Variants in CFAP299 observed in about 807,000 individuals in gnomAD.
The protein encoded by CFAP299 is cilia- and flagella-associated protein 299.
A neutral mutation model predicts 27.0 loss-of-function variants in CFAP299; 21 were observed. The observed-to-expected ratio is 0.78, with a 90% CI of 0.55 to 1.12. The LOEUF (loss-of-function observed/expected upper bound fraction) is 1.12, where lower values mean the gene tolerates loss of function less well. Ranked by LOEUF, CFAP299 falls within the 50% of genes most tolerant of loss-of-function variation. The pLI is 0.00. For synonymous variants in CFAP299, 104 were observed against 98.1 expected (o/e 1.06, Z -0.36); for missense variants, 310 against 276.6 (o/e 1.12, Z -0.86).
At chr4:80,562,260 T>C (rs1364493047) in intron 2 of CFAP299, among the ~76,000 whole-genome samples, 1 of 151,686 alleles carries the variant, frequency 6.6e-6, no homozygotes, top group African/African-American at 2.4e-5. Flanking sequence ...AAAATAACCA[T>C]AAAACAAATA....
At chr4:80,638,748 C>T (rs1739578871) in intron 3 of CFAP299, among the ~76,000 whole-genome samples, 1 of 152,154 alleles carries the variant, frequency 6.6e-6, no homozygotes, top group Non-Finnish European at 1.5e-5. Flanking sequence ...CAAGTGTGAT[C>T]CATCATGGGT....
chr4:80,330,069 G>A, the CFAP299 span, among the ~76,000 whole-genome samples: 1 of 152,050 alleles, frequency 6.6e-6, no homozygotes, highest in African/African-American at 2.4e-5. Flanking sequence ...TTTTGAGCAG[G>A]TAAAAGTTTG....
At chr4:80,715,409 A>C (rs1161033568) in intron 3 of CFAP299, among the ~76,000 whole-genome samples, 1 of 152,088 alleles carries the variant, frequency 6.6e-6, no homozygotes, top group East Asian at 1.9e-4. Context: ...TGCTGCTGAT[A>C]ATAACAGATC....
intron 3 of CFAP299, among the ~76,000 whole-genome samples, chr4:80,693,343 T>TAC: frequency 1.3e-5 from 2 of 151,980 alleles, no homozygotes; most frequent in South Asian, 4.2e-4. Flanking sequence ...GTGGCACATA[T>TAC]ACACCATGGA....
At chr4:80,828,778 G>A (rs924542452) in intron 3 of CFAP299, among the ~76,000 whole-genome samples, 12 of 151,998 alleles carry the variant, frequency 7.9e-5, no homozygotes, top group Non-Finnish European at 1.3e-4. Flanking sequence ...AAATTACCCA[G>A]TCTCAGATAT....
intron 4 of CFAP299, among the ~76,000 whole-genome samples, chr4:80,922,729 G>A (rs1321232715): frequency 1.3e-5 from 2 of 151,508 alleles, no homozygotes. Context: ...TGGAAAATAT[G>A]TTGACTATGA....
intron 2 of CFAP299, among the ~76,000 whole-genome samples, chr4:80,546,789 G>A (rs542122630): frequency 6.6e-6 from 1 of 151,442 alleles, no homozygotes; most frequent in African/African-American, 2.4e-5. Flanking sequence ...GACTCTCTCA[G>A]AAGCTGAACA....
chr4:80,812,688 C>T (rs930739297), intron 3 of CFAP299, among the ~76,000 whole-genome samples: 1 of 152,048 alleles, frequency 6.6e-6, no homozygotes, highest in Non-Finnish European at 1.5e-5. Context: ...TGGTTTCAAA[C>T]TGATAAAAAC....
rs1335940234 is a variant in CFAP299 at position 80,724,469 on chromosome 4, C to T, written c.333+141286C>T. Reference sequence around the variant, plus strand: ...AAAAATGAGTAATTTTTTAAATGCACTAATTTGGAGCCTGGTATACATTAT... The same window carrying T: ...AAAAATGAGTAATTTTTTAAATGCATTAATTTGGAGCCTGGTATACATTAT... On this transcript the variant is annotated intron_variant, in intron 3 of 5. Coordinates refer to ENST00000358105, the MANE Select transcript of CFAP299 (RefSeq NM_152770.3). 3.9e-5 allele frequency among the ~76,000 whole-genome samples: 6 copies of T among 151,998 alleles called. No homozygotes were observed. The East Asian group carries it at 1.2e-3, about 29-fold the overall frequency.
intron 2 of CFAP299, among the ~76,000 whole-genome samples, chr4:80,549,888 C>T (rs1358612151): frequency 6.6e-6 from 1 of 151,856 alleles, no homozygotes; most frequent in Admixed American, 6.6e-5. Context: ...ATAAAATTCA[C>T]TTTCATTGTT....
intron 5 of CFAP299, among the ~76,000 whole-genome samples, chr4:80,954,033 T>A (rs1737921817): frequency 6.6e-6 from 1 of 152,186 alleles, no homozygotes; most frequent in African/African-American, 2.4e-5. Context: ...TCACGCTCAC[T>A]TTCTCACAAA....
chr4:80,720,157 C>T (rs867776338), intron 3 of CFAP299, among the ~76,000 whole-genome samples: 3 of 151,980 alleles, frequency 2.0e-5, no homozygotes, highest in South Asian at 4.1e-4. Context: ...AAAGAGTGAA[C>T]GTCACAGACA....
intron 3 of CFAP299, among the ~76,000 whole-genome samples, chr4:80,838,617 T>C (rs1254376393): frequency 6.6e-6 from 1 of 152,146 alleles, no homozygotes; most frequent in Admixed American, 6.5e-5. Flanking sequence ...GTTCCTTTGG[T>C]CTATGTATCT....
chr4:80,375,190 C>T (rs1724341504), intron 2 of CFAP299, among the ~76,000 whole-genome samples: 1 of 152,146 alleles, frequency 6.6e-6, no homozygotes, highest in South Asian at 2.1e-4. Context: ...CCAGAAGACT[C>T]ACCAGAAGAT....
chr4:80,386,516 G>GA, intron 2 of CFAP299: 1 of 1,487,496 alleles, frequency 6.7e-7, no homozygotes, highest in Non-Finnish European at 9.1e-7. Flanking sequence ...CGGTGGTGGG[G>GA]GGGGGGGGTG....
intron 4 of CFAP299, among the ~76,000 whole-genome samples, chr4:80,902,638 C>T: frequency 7.4e-6 from 1 of 135,566 alleles, no homozygotes; most frequent in Non-Finnish European, 1.6e-5. Context: ...TTGGTGACTC[C>T]CTAGTTGGGG....
intron 3 of CFAP299, among the ~76,000 whole-genome samples, chr4:80,610,150 G>A (rs565155749): frequency 2.0e-4 from 30 of 151,712 alleles, no homozygotes; most frequent in African/African-American, 6.6e-4. Flanking sequence ...TCCTCCTTGT[G>A]TCTCTTCTTT....
At chr4:80,381,151 T>C (rs973825290) in intron 2 of CFAP299, among the ~76,000 whole-genome samples, 1 of 152,204 alleles carries the variant, frequency 6.6e-6, no homozygotes, top group Non-Finnish European at 1.5e-5. Context: ...ATTGTTACTT[T>C]TTGTCAAACC....
intron 4 of CFAP299, among the ~76,000 whole-genome samples, chr4:80,898,701 C>T (rs1578222556): frequency 6.6e-6 from 1 of 152,028 alleles, no homozygotes; most frequent in Non-Finnish European, 1.5e-5. Context: ...GATTTTAATC[C>T]TTCTACCTCT....
Sources: gnomAD v4.1 joint callset for allele counts (sites outside exome capture counted in the v4.1 genomes callset) on GRCh38, gnomAD v4.1.1 for gene constraint, MANE v1.5 for transcripts, NCBI Gene and HGNC (gene_info 2026-07-23, HGNC 2026-07-21) for gene names.